ICAM1: variants seen among roughly 807,000 people sequenced by gnomAD.
ICAM1 encodes intercellular adhesion molecule 1, also known as ICAM-1.
In ICAM1, 28 loss-of-function variants were observed where a neutral mutation model predicts 42.3. The observed-to-expected ratio is 0.66, with a 90% CI of 0.49 to 0.91. The LOEUF (loss-of-function observed/expected upper bound fraction) is 0.91, where lower values mean the gene tolerates loss of function less well. ICAM1 is among the 40% of genes least tolerant of loss of function. ICAM1 has a pLI of 0.00. For missense variants in ICAM1, 637 were observed against 688.6 expected (o/e 0.93, Z 0.84); for synonymous variants, 304 against 305.9 (o/e 0.99, Z 0.07).
In ICAM1 at chr19:10,281,030, C is replaced by T. The variant is rs564890752; in HGVS notation, c.332-2451C>T. ...CTGGGACTACAGGCGCCCACCACCA[C>T]GCCTGGCTAATTTTTTGTATTTTTA... On this transcript the variant is annotated intron_variant, in intron 2 of 6. Coordinates refer to ENST00000264832, the MANE Select transcript of ICAM1 (RefSeq NM_000201.3). 9.0e-3 allele frequency among the ~76,000 whole-genome samples: 1,246 copies of T among 137,960 alleles called. 23 individuals carry two copies. Among genetic ancestry groups the T allele is most frequent in the African/African-American group, 0.031 (1,153 of 37,564 alleles). The allele number at this position is 137,960 out of a possible 152,430, so 90.5% of individuals were successfully genotyped here. A position where few individuals can be genotyped will look rare whatever the true frequency, so the allele number is the denominator to read the frequency against.
rs189168872 is a variant in ICAM1 at position 10,279,742 on chromosome 19, C to T, written c.332-3739C>T. ...CAAGAGATCCTCCTGCCTCAGTTTC[C>T]CAAAGTGCTGGGATTATAGGTGTGA... On this transcript the variant is annotated intron_variant, in intron 2 of 6. Transcript: ENST00000264832. 5.2e-3 allele frequency among the ~76,000 whole-genome samples: 787 copies of T among 152,116 alleles called. 12 individuals are homozygous for T. Among genetic ancestry groups the T allele is most frequent in the Non-Finnish European group, 6.4e-3 (433 of 68,008 alleles).
intron 2 of ICAM1, 118 bp downstream of exon 2, chr19:10,275,146 C>A (rs966918769): frequency 1.0e-6 from 1 of 1,004,970 alleles, no homozygotes; most frequent in Non-Finnish European, 1.5e-6. Flanking sequence ...AGGAGGGGCT[C>A]CTTGCAGGGC....
chr19:10,281,288 ATTT>A (rs1252607018), intron 2 of ICAM1, among the ~76,000 whole-genome samples: 3 of 135,922 alleles, frequency 2.2e-5, no homozygotes, highest in Non-Finnish European at 3.2e-5. Context: ...CTTGTTTTTA[ATTT>A]TTTTTTTTTT....
chr19:10,275,959 C>T (rs1319956594), intron 2 of ICAM1, among the ~76,000 whole-genome samples: 1 of 151,194 alleles, frequency 6.6e-6, no homozygotes, highest in Admixed American at 6.6e-5. Flanking sequence ...CCGCCCGCCT[C>T]GGCCTCCCAA....
intron 2 of ICAM1, among the ~76,000 whole-genome samples, chr19:10,281,086 G>A (rs376365694): frequency 3.6e-4 from 54 of 150,660 alleles, no homozygotes; most frequent in African/African-American, 1.2e-3. Flanking sequence ...TGTTAGCCAG[G>A]ATGGTCTTGA....
intron 2 of ICAM1, among the ~76,000 whole-genome samples, chr19:10,282,022 G>A (rs1169570199): frequency 3.3e-5 from 5 of 151,746 alleles, no homozygotes; most frequent in Middle Eastern, 3.4e-3. Flanking sequence ...GATTACAGGC[G>A]TGAGCCACCA....
intron 6 of ICAM1, 25 bp downstream of exon 6, chr19:10,285,053 G>A (rs2040093046): frequency 6.2e-7 from 1 of 1,613,148 alleles, no homozygotes; most frequent in African/African-American, 1.3e-5. Context: ...GGGCAGAGCT[G>A]GGTGGGGGCA....
chr19:10,285,226 G>C lies in ICAM1; in HGVS notation c.1538G>C (p.Arg513Thr). 1 of 1,614,160 alleles carries C rather than the reference G, an allele frequency of 6.2e-7. No individual in the cohort carries two copies. The change falls in exon 7 of 7, where the codon AGA becomes ACA. Residue 513 changes from arginine to threonine, a missense_variant. Coordinates refer to ENST00000264832, the MANE Select transcript of ICAM1 (RefSeq NM_000201.3). ...YNRQRKIKKYRLQQAQKGTPM... is the reference protein window; with the variant it reads ...YNRQRKIKKYTLQQAQKGTPM... ...CGCCAGCGGAAGATCAAGAAATACAGACTACAACAGGCCCAAAAAGGGACC... is the reference window on the plus strand; with the variant it reads ...CGCCAGCGGAAGATCAAGAAATACACACTACAACAGGCCCAAAAAGGGACC...
At chr19:10,271,933 G>C (rs886362216) in intron 1 of ICAM1, among the ~76,000 whole-genome samples, 1 of 152,092 alleles carries the variant, frequency 6.6e-6, no homozygotes, top group Non-Finnish European at 1.5e-5. Flanking sequence ...TTTCATGGTG[G>C]TGTAAGTTTG....
chr19:10,275,063 G>T, intron 2 of ICAM1, 35 bp downstream of exon 2: 1 of 1,603,774 alleles, frequency 6.2e-7, no homozygotes, highest in South Asian at 1.1e-5. Flanking sequence ...GGACTAGGCA[G>T]ACCCGGTGGG....
rs781116430 is a variant in ICAM1 at position 10,271,234 on chromosome 19, G to A, written c.67+8G>A. On this transcript the variant is annotated splice_region_variant and intron_variant, in intron 1 of 6. Coordinates refer to ENST00000264832, the MANE Select transcript of ICAM1 (RefSeq NM_000201.3). The stretch of plus-strand genomic sequence containing the variant: ...TCGGGGCTCTGTTCCCAGGTGAGTC[G>A]GGGTGGGGATTGCCGTCGGGCCAGT... The A allele has an allele frequency of 3.0e-5, 48 of 1,612,160 alleles. No homozygotes were observed. The Admixed American group carries it at 3.2e-4, about 11-fold the overall frequency.
Position 10,275,354 on chromosome 19 carries a change from G to A in ICAM1, c.331+326G>A, listed in dbSNP as rs150151778. On this transcript the variant is annotated intron_variant, in intron 2 of 6. Coordinates refer to ENST00000264832, the MANE Select transcript of ICAM1 (RefSeq NM_000201.3). ...TCTGCTGAAAATACAAAAATCAGCCGGGCATGGTGTCAAGCGCCTGTAATC... is the reference window on the plus strand; with the variant it reads ...TCTGCTGAAAATACAAAAATCAGCCAGGCATGGTGTCAAGCGCCTGTAATC... 3.9e-3 allele frequency among the ~76,000 whole-genome samples: 588 copies of A among 152,184 alleles called. 2 individuals carry two copies. Among genetic ancestry groups the A allele is most frequent in the Non-Finnish European group, 4.1e-3 (281 of 68,008 alleles).
chr19:10,271,952 G>A (rs2039984719), intron 1 of ICAM1, among the ~76,000 whole-genome samples: 1 of 152,132 alleles, frequency 6.6e-6, no homozygotes, highest in African/African-American at 2.4e-5. Flanking sequence ...TGGGGAACCA[G>A]GAGGGTGGGA....
At chr19:10,279,720 G>A (rs1376636684) in intron 2 of ICAM1, among the ~76,000 whole-genome samples, 1 of 152,090 alleles carries the variant, frequency 6.6e-6, no homozygotes. Flanking sequence ...CTGACCGCAA[G>A]AGATCCTCCT....
intron 3 of ICAM1, 111 bp downstream of exon 3, chr19:10,283,897 A>C (rs2040081596): frequency 7.0e-7 from 1 of 1,436,960 alleles, no homozygotes; most frequent in Non-Finnish European, 9.5e-7. Context: ...TAAGGGGTGC[A>C]TGTGTTCTAG....
chr19:10,279,737 GT>G (rs1444234417), intron 2 of ICAM1, among the ~76,000 whole-genome samples: 1 of 152,042 alleles, frequency 6.6e-6, no homozygotes, highest in Non-Finnish European at 1.5e-5. Flanking sequence ...TCCTGCCTCA[GT>G]TTCCCAAAGT....
Position 10,284,066 on chromosome 19 carries a change from C to G in ICAM1, c.671C>G (p.Pro224Arg). 6.2e-7 allele frequency: 1 copy of G among 1,613,980 alleles called. No individual in the cohort carries two copies. The highest frequency in any genetic ancestry group is 1.7e-4 in the Middle Eastern group (1 of 6,060). The change falls in exon 4 of 7, where the codon CCC becomes CGC. Residue 224 changes from proline (P) to arginine (R), a missense_variant. Coordinates refer to ENST00000264832, the MANE Select transcript of ICAM1 (RefSeq NM_000201.3). This position sits in a 1 kb window ranked among gnomAD's most constrained non-coding sequence, Gnocchi z 5.4. ...LPATPPQLVS[P>R]RVLEVDTQGT... ...GCGACTCCCCCACAACTTGTCAGCC[C>G]CCGGGTCCTAGAGGTGGACACGCAG...
chr19:10,284,828 G>A lies in ICAM1; in HGVS notation c.1226G>A (p.Trp409Ter). 1 of 1,596,854 alleles carries A rather than the reference G, an allele frequency of 6.3e-7. No homozygotes were observed. The highest frequency in any genetic ancestry group is 8.5e-7 in the Non-Finnish European group (1 of 1,175,470). ...AGGGATTGTCCGGGAAACTGGACGTGGCCAGAAAATTCCCAGCAGACTCCA... is the reference window on the plus strand; with the variant it reads ...AGGGATTGTCCGGGAAACTGGACGTAGCCAGAAAATTCCCAGCAGACTCCA... ...DERDCPGNWT[W>*]PENSQQTPMC... Residue 409 changes from tryptophan to a stop codon, truncating the protein, a stop_gained, in exon 6 of 7, where the codon TGG becomes TAG. Transcript: ENST00000264832. LOFTEE classifies it high-confidence loss of function. This position sits in a 1 kb window ranked among gnomAD's most constrained non-coding sequence, Gnocchi z 5.4.
At chr19:10,274,312 ATTT>A (rs34542691) in intron 1 of ICAM1, among the ~76,000 whole-genome samples, 2 of 134,894 alleles carry the variant, frequency 1.5e-5, no homozygotes. Flanking sequence ...TTTGCTCATA[ATTT>A]TTTTTTTTTT....
Sources: allele counts gnomAD v4.1 joint callset (sites outside exome capture counted in the v4.1 genomes callset), GRCh38; gene constraint gnomAD v4.1.1; non-coding constraint Gnocchi (gnomAD v3.1); transcripts MANE v1.5; gene names NCBI Gene and HGNC (gene_info 2026-07-23, HGNC 2026-07-21).